FCAMR: variants seen among roughly 807,000 people sequenced by gnomAD.
FCAMR encodes the protein high affinity immunoglobulin alpha and immunoglobulin mu Fc receptor.
FCAMR carries 51 observed loss-of-function variants against 52.2 expected under a neutral mutation model. The ratio of observed to expected loss-of-function variants is 0.98; its 90% CI spans 0.78 to 1.23. FCAMR has a LOEUF of 1.23. Ranked by LOEUF, FCAMR falls within the 50% of genes most tolerant of loss-of-function variation. FCAMR has a pLI of 0.00. For missense variants in FCAMR, 719 were observed against 712.6 expected (o/e 1.01, Z -0.10); for synonymous variants, 282 against 262.0 (o/e 1.08, Z -0.74).
intron 3 of FCAMR, 100 bp from the exon 4 acceptor site, chr1:206,965,958 A>G: frequency 1.3e-6 from 2 of 1,517,850 alleles, no homozygotes; most frequent in Non-Finnish European, 1.8e-6. Flanking sequence ...AACCCCTGCC[A>G]GGCCAGATAG....
intron 2 of FCAMR, 126 bp downstream of exon 2, chr1:206,967,457 G>C: frequency 2.9e-6 from 3 of 1,039,158 alleles, no homozygotes; most frequent in Non-Finnish European, 4.4e-6. Context: ...CCGTGTAGTG[G>C]AAAGGCCACG....
At chr1:206,959,945 C>G in intron 6 of FCAMR, 148 bp from the exon 7 acceptor site, 1 of 645,854 alleles carries the variant, frequency 1.5e-6, no homozygotes. Flanking sequence ...TGGTTAGTGT[C>G]AGAGCTTGGG....
intron 4 of FCAMR, 138 bp downstream of exon 4, chr1:206,965,577 A>G: frequency 9.4e-7 from 1 of 1,065,136 alleles, no homozygotes; most frequent in Non-Finnish European, 1.3e-6. Context: ...CCTCATTGTT[A>G]CTCAGCAATT....
chr1:206,970,154 C>A lies in FCAMR; in HGVS notation c.-29G>T. The A allele has an allele frequency of 1.2e-6, 2 of 1,613,680 alleles. No homozygotes were observed. The highest frequency in any genetic ancestry group is 4.5e-5 in the East Asian group (2 of 44,820). On this transcript the variant is annotated 5_prime_UTR_variant, in exon 1 of 8. Transcript: ENST00000324852. ...AGTCCAGAAACAAGATCCAGGTGGA[C>A]TTTTCTTCTCCTTATGAGATGCAGG...
chr1:206,962,777 T>C (rs969275162), intron 4 of FCAMR, among the ~76,000 whole-genome samples: 3 of 152,222 alleles, frequency 2.0e-5, no homozygotes, highest in African/African-American at 7.2e-5. Flanking sequence ...CCCACCTTGA[T>C]AAGCTAACAC....
At chr1:206,967,248 G>A (rs890051754) in intron 2 of FCAMR, 136 bp from the exon 3 acceptor site, 102 of 818,852 alleles carry the variant, frequency 1.2e-4, no homozygotes, top group Middle Eastern at 3.0e-4. Flanking sequence ...ATATCTGAGA[G>A]TAAGACAAGC....
In FCAMR at chr1:206,965,946, C is replaced by T. The variant is rs753120463; in HGVS notation, c.170-88G>A. 1.9e-6 allele frequency: 3 copies of T among 1,573,236 alleles called. No homozygotes were observed. In the South Asian group the frequency reaches 3.4e-5, roughly 18 times the overall value. ...AGAGGAAGAAGCAAACAGCCAGTTC[C>T]AAACCCCTGCCAGGCCAGATAGCTC... On this transcript the variant is annotated intron_variant, in intron 3 of 7. Transcript: ENST00000324852.
chr1:206,968,154 A>G (rs1680789722), intron 1 of FCAMR, among the ~76,000 whole-genome samples: 2 of 152,184 alleles, frequency 1.3e-5, no homozygotes, highest in South Asian at 4.1e-4. Context: ...CCTGACCAAC[A>G]TGGTGAAATC....
intron 1 of FCAMR, chr1:206,969,487 C>T (rs546187004): frequency 7.3e-5 from 25 of 343,960 alleles, no homozygotes; most frequent in African/African-American, 5.0e-4. Context: ...TGTTACTGCA[C>T]ACTGCGTTTT....
At chr1:206,959,935 T>G in intron 6 of FCAMR, 138 bp from the exon 7 acceptor site, 1 of 681,456 alleles carries the variant, frequency 1.5e-6, no homozygotes, top group South Asian at 1.7e-5. Context: ...TTCCCATGGC[T>G]GGTTAGTGTC....
At chr1:206,966,306 T>A (rs1171010845) in intron 3 of FCAMR, among the ~76,000 whole-genome samples, 1 of 152,190 alleles carries the variant, frequency 6.6e-6, no homozygotes, top group Non-Finnish European at 1.5e-5. Context: ...CTGAAAAATT[T>A]TAAAAGGGAC....
chr1:206,965,244 G>C (rs996539866), intron 4 of FCAMR, among the ~76,000 whole-genome samples: 2 of 152,154 alleles, frequency 1.3e-5, no homozygotes, highest in East Asian at 3.8e-4. Context: ...CATTTGAGAG[G>C]AGCAGGGTTC....
chr1:206,958,732 G>T (rs1218467545), intron 7 of FCAMR, 56 bp from the exon 8 acceptor site: 3 of 1,609,150 alleles, frequency 1.9e-6, no homozygotes, highest in South Asian at 2.2e-5. Context: ...CACTGACTTT[G>T]ATTTCCTAAG....
rs3813953 is a variant in FCAMR, at chr1:206,961,065, T to G, written c.811A>C (p.Thr271Pro). 3.6e-3 allele frequency: 5,569 copies of G among 1,551,882 alleles called. 93 individuals carry two copies. In the East Asian group the frequency reaches 0.06, roughly 17 times the overall value. Residue 271 changes from threonine (T) to proline (P), a missense_variant, in exon 6 of 8, where the codon ACC becomes CCC. Thr to Pro is a conservative substitution (Grantham distance 38). Coordinates refer to ENST00000324852, the MANE Select transcript of FCAMR (RefSeq NM_001170631.2). Reference protein sequence around the residue: ...AWDTVASTPGTSKTTASAEGR... With the variant: ...AWDTVASTPGPSKTTASAEGR... ...TCAGCTGAAGCTGTAGTCTTGCTGG[T>G]TCCTGGAGTGGAAGCAACTGTGTCC...
intron 1 of FCAMR, 35 bp from the exon 2 acceptor site, chr1:206,967,686 A>G (rs893388000): frequency 6.2e-7 from 1 of 1,604,382 alleles, no homozygotes; most frequent in African/African-American, 1.3e-5. Context: ...TTTTCAAGGG[A>G]AGATTTCTGT....
At chr1:206,964,994 G>A (rs1454946863) in intron 4 of FCAMR, among the ~76,000 whole-genome samples, 1 of 152,158 alleles carries the variant, frequency 6.6e-6, no homozygotes, top group East Asian at 1.9e-4. Context: ...TCTAACTGCT[G>A]GAAGAGTAGA....
At chr1:206,960,109 T>C in intron 6 of FCAMR, 2 of 496,202 alleles carry the variant, frequency 4.0e-6, no homozygotes, top group East Asian at 6.5e-5. Context: ...CAACCTTTCC[T>C]TGTGGCTTCA....
At chr1:206,966,089 G>C (rs1012794602) in intron 3 of FCAMR, among the ~76,000 whole-genome samples, 1 of 152,182 alleles carries the variant, frequency 6.6e-6, no homozygotes, top group African/African-American at 2.4e-5. Context: ...GGGTGGAGAA[G>C]AGGGAAGGCA....
chr1:206,966,607 A>G (rs1343870101), intron 3 of FCAMR, among the ~76,000 whole-genome samples: 2 of 152,132 alleles, frequency 1.3e-5, no homozygotes, highest in Non-Finnish European at 2.9e-5. Flanking sequence ...GCTGGTGTCG[A>G]ACTCCTGACC....
Sources: gnomAD v4.1 joint callset for allele counts (sites outside exome capture counted in the v4.1 genomes callset) on GRCh38, gnomAD v4.1.1 for gene constraint, MANE v1.5 for transcripts, NCBI Gene and HGNC (gene_info 2026-07-23, HGNC 2026-07-21) for gene names.